Variants in CNTN4 observed in about 807,000 individuals in gnomAD.
CNTN4 encodes the protein contactin-4.
In CNTN4, 77 loss-of-function variants were observed where a neutral mutation model predicts 122.5. The ratio of observed to expected loss-of-function variants is 0.63; its 90% CI spans 0.52 to 0.76. The LOEUF is 0.76. Ranked by LOEUF, CNTN4 falls within the 30% of genes least tolerant of loss-of-function variation. The pLI is 0.00. For missense variants in CNTN4, 1,256 were observed against 1,259.1 expected, an observed-to-expected ratio of 1.00 and a Z score of 0.04; for synonymous variants, 512 against 447.0, an observed-to-expected ratio of 1.15 and a Z score of -1.83.
chr3:2,872,072 A>C (rs4684367), intron 8 of CNTN4, among the ~76,000 whole-genome samples: 139,527 of 152,126 alleles, frequency 0.92, 64,099 homozygotes, highest in East Asian at 0.97. Context: ...CCTTATTAGC[A>C]CAGCTGTTGG....
chr3:2,933,302 G>A (rs867163676), intron 13 of CNTN4, among the ~76,000 whole-genome samples: 1 of 152,250 alleles, frequency 6.6e-6, no homozygotes, highest in Non-Finnish European at 1.5e-5. Flanking sequence ...ACGTTGTCAG[G>A]GTGAGATTCA....
At chr3:2,480,588 A>C (rs1559592162) in intron 3 of CNTN4, among the ~76,000 whole-genome samples, 1 of 152,230 alleles carries the variant, frequency 6.6e-6, no homozygotes, top group African/African-American at 2.4e-5. Flanking sequence ...TGTGAAGAAA[A>C]CTAGAAAACT....
At chr3:2,768,942 C>A (rs2090973443) in intron 6 of CNTN4, among the ~76,000 whole-genome samples, 1 of 152,142 alleles carries the variant, frequency 6.6e-6, no homozygotes, top group African/African-American at 2.4e-5. Context: ...ATCCGAGGAT[C>A]AAAACCCAGA....
rs190002323 is a variant in CNTN4, at chr3:2,814,336, C to A, written c.359-5150C>A. ...ATACACATTATTTATTCAATACTAT[C>A]TTTGGTGACCAATTGCTAAACGGAA... On this transcript the variant is annotated intron_variant, in intron 6 of 24. Coordinates refer to ENST00000418658, the MANE Select transcript of CNTN4 (RefSeq NM_175607.3). 2.0e-3 allele frequency among the ~76,000 whole-genome samples: 308 copies of A among 152,294 alleles called. 1 individual carries two copies. The highest frequency in any genetic ancestry group is 7.1e-3 in the African/African-American group (297 of 41,552).
chr3:2,352,341 C>T (rs2044662229), intron 3 of CNTN4, among the ~76,000 whole-genome samples: 4 of 152,210 alleles, frequency 2.6e-5, no homozygotes, highest in Admixed American at 2.6e-4. Flanking sequence ...GAGCCCCTCT[C>T]TGGGCTGGCC....
chr3:2,709,774 C>T lies in CNTN4; in HGVS notation c.56-26441C>T, dbSNP rs533047476. Among the ~76,000 whole-genome samples, 2 of 151,956 alleles carry T rather than the reference C, an allele frequency of 1.3e-5. No homozygotes were observed. The highest frequency in any genetic ancestry group is 2.1e-4 in the South Asian group (1 of 4,800). ...ACTAAAAATACAAAAATTAGCCAGG[C>T]GTGGTGGTGCACACCTGTAGTCCCA... is the stretch of plus-strand genomic sequence containing the variant. On this transcript the variant is annotated intron_variant, in intron 4 of 24. Transcript: ENST00000418658. This position sits in a 1 kb window ranked among gnomAD's most constrained non-coding sequence, Gnocchi z 5.0.
intron 2 of CNTN4, among the ~76,000 whole-genome samples, chr3:2,302,123 C>T (rs1300675344): frequency 6.6e-6 from 1 of 152,056 alleles, no homozygotes; most frequent in Non-Finnish European, 1.5e-5. Context: ...GCACTATTAA[C>T]TTTGACTTTA....
At chr3:2,651,061 G>A (rs187466644) in intron 4 of CNTN4, among the ~76,000 whole-genome samples, 2 of 152,244 alleles carry the variant, frequency 1.3e-5, no homozygotes, top group Admixed American at 6.5e-5. Context: ...TCTTTTACTA[G>A]CAGACATTGA....
intron 2 of CNTN4, among the ~76,000 whole-genome samples, chr3:2,287,626 GAGAAGGAGAAGAAGAAGAAGAAGAAGA>G (rs2041953270): frequency 1.0e-4 from 5 of 48,592 alleles, no homozygotes; most frequent in African/African-American, 1.3e-4. Context: ...GAAGGAGAAG[GAGAAGGAGAAGAAGAAGAAGAAGAAGA>G]AGAAGAAGAA....
chr3:2,404,106 A>C (rs1243987402), intron 3 of CNTN4, among the ~76,000 whole-genome samples: 1 of 152,154 alleles, frequency 6.6e-6, no homozygotes, highest in East Asian at 1.9e-4. Context: ...CATTTCTCTG[A>C]ATTGTTGTTC....
intron 2 of CNTN4, among the ~76,000 whole-genome samples, chr3:2,179,594 T>G (rs1174947166): frequency 1.3e-5 from 2 of 152,024 alleles, no homozygotes; most frequent in Non-Finnish European, 2.9e-5. Context: ...AATTTTATAC[T>G]GAACTTTTAT....
At chr3:2,924,202 A>G (rs1030419151) in intron 12 of CNTN4, among the ~76,000 whole-genome samples, 5 of 152,162 alleles carry the variant, frequency 3.3e-5, no homozygotes, top group Admixed American at 1.3e-4. Flanking sequence ...GTATTTCCAC[A>G]ACAAAAGAAT....
chr3:3,010,506 A>T (rs78393486), intron 14 of CNTN4, among the ~76,000 whole-genome samples: 1 of 151,766 alleles, frequency 6.6e-6, no homozygotes, highest in African/African-American at 2.4e-5. Context: ...TGTTTAAAAA[A>T]GTTTTAGAAG....
intron 2 of CNTN4, among the ~76,000 whole-genome samples, chr3:2,190,340 T>C (rs981789516): frequency 4.6e-5 from 7 of 151,776 alleles, no homozygotes; most frequent in Non-Finnish European, 1.0e-4. Context: ...TGTTTTTTTT[T>C]TCTGAAATAA....
chr3:2,901,854 T>C (rs1354248709), intron 11 of CNTN4, among the ~76,000 whole-genome samples: 2 of 152,180 alleles, frequency 1.3e-5, no homozygotes, highest in African/African-American at 2.4e-5. Context: ...GAGGCAATTA[T>C]GACAGATGAA....
intron 2 of CNTN4, among the ~76,000 whole-genome samples, chr3:2,134,409 G>T (rs185178375): frequency 6.6e-6 from 1 of 152,306 alleles, no homozygotes; most frequent in Admixed American, 6.5e-5. Flanking sequence ...TGGATGATAG[G>T]ATCCAGTCTG....
At chr3:2,515,347 T>C (rs1214516924) in intron 3 of CNTN4, among the ~76,000 whole-genome samples, 1 of 152,172 alleles carries the variant, frequency 6.6e-6, no homozygotes. Flanking sequence ...AAGCTAACAA[T>C]ATTTACTTTA....
At chr3:2,889,973 C>T (rs1025070542) in intron 10 of CNTN4, among the ~76,000 whole-genome samples, 3 of 152,092 alleles carry the variant, frequency 2.0e-5, no homozygotes, top group Admixed American at 2.0e-4. Flanking sequence ...CAGGTTCTAA[C>T]AATGTTTCCT....
At chr3:2,180,039 A>AG (rs1396393148) in intron 2 of CNTN4, among the ~76,000 whole-genome samples, 1 of 151,462 alleles carries the variant, frequency 6.6e-6, no homozygotes, top group Non-Finnish European at 1.5e-5. Flanking sequence ...CCATAGCCAT[A>AG]GGTAGCTTAT....
Sources: allele counts gnomAD v4.1 joint callset (sites outside exome capture counted in the v4.1 genomes callset), GRCh38; gene constraint gnomAD v4.1.1; non-coding constraint Gnocchi (gnomAD v3.1); transcripts MANE v1.5; gene names NCBI Gene and HGNC (gene_info 2026-07-23, HGNC 2026-07-21).